Variants in EIF2AK3 observed in about 807,000 individuals in gnomAD.
EIF2AK3 encodes eukaryotic translation initiation factor 2-alpha kinase 3.
Under a neutral mutation model 113.5 loss-of-function variants are expected in EIF2AK3, and 50 were observed. The ratio of observed to expected loss-of-function variants is 0.44; its 90% CI spans 0.35 to 0.56. The LOEUF (loss-of-function observed/expected upper bound fraction) is 0.56, where lower values mean the gene tolerates loss of function less well. Among genes scored for constraint, EIF2AK3 ranks in the 20% least tolerant of loss-of-function variants. The pLI, the probability that EIF2AK3 is intolerant of heterozygous loss-of-function variation, is 0.00. For missense variants in EIF2AK3, 1,185 were observed against 1,378.0 expected (o/e 0.86, Z 2.22); for synonymous variants, 448 against 495.4 (o/e 0.90, Z 1.27).
At position 88,575,472 on chromosome 2, in the gene EIF2AK3, G is replaced by C. The variant is rs761959434; in HGVS notation, c.2037-26C>G. The C allele has an allele frequency of 1.4e-5, 23 of 1,600,748 alleles. No individual in the cohort carries two copies. In the Admixed American group the frequency reaches 3.0e-4, roughly 21 times the overall value. ...CTAAAAGTGGGAGAAATACAAAGGGGTAAGAGTGAATATATATTGATTCAA... is the reference window on the plus strand; with the variant it reads ...CTAAAAGTGGGAGAAATACAAAGGGCTAAGAGTGAATATATATTGATTCAA... On this transcript the variant is annotated intron_variant, in intron 12 of 16. Coordinates refer to ENST00000303236, the MANE Select transcript of EIF2AK3 (RefSeq NM_004836.7).
At chr2:88,607,418 A>G (rs1675307065) in intron 2 of EIF2AK3, among the ~76,000 whole-genome samples, 1 of 152,198 alleles carries the variant, frequency 6.6e-6, no homozygotes, top group African/African-American at 2.4e-5. Context: ...TGTTAAAGCT[A>G]ATAGAGTGAA....
intron 2 of EIF2AK3, among the ~76,000 whole-genome samples, chr2:88,596,090 G>A (rs1278214855): frequency 6.6e-6 from 1 of 152,152 alleles, no homozygotes; most frequent in Non-Finnish European, 1.5e-5. Flanking sequence ...TATTTAATGT[G>A]TAAATAGATA....
intron 16 of EIF2AK3, among the ~76,000 whole-genome samples, chr2:88,558,607 C>T (rs1480226220): frequency 3.3e-5 from 5 of 152,118 alleles, no homozygotes; most frequent in Non-Finnish European, 7.4e-5. Context: ...TAAATTTTGA[C>T]TTTTTCCAAT....
chr2:88,616,023 CT>C (rs375374907), intron 1 of EIF2AK3, among the ~76,000 whole-genome samples: 61 of 149,056 alleles, frequency 4.1e-4, no homozygotes, highest in Middle Eastern at 3.5e-3. Flanking sequence ...TCACCACGCT[CT>C]TTTTTTTTTG....
chr2:88,619,562 A>C (rs1281002912), intron 1 of EIF2AK3, among the ~76,000 whole-genome samples: 1 of 152,160 alleles, frequency 6.6e-6, no homozygotes, highest in Non-Finnish European at 1.5e-5. Flanking sequence ...CCATCCTATT[A>C]CCTAACATTT....
At chr2:88,559,593 AAGAG>A (rs1270437433) in intron 15 of EIF2AK3, among the ~76,000 whole-genome samples, 2 of 148,226 alleles carry the variant, frequency 1.3e-5, no homozygotes, top group African/African-American at 5.0e-5. Flanking sequence ...GGGAGGGAGA[AAGAG>A]AAAGGGGAGA....
At chr2:88,612,720 T>C (rs1302819052) in intron 2 of EIF2AK3, among the ~76,000 whole-genome samples, 1 of 152,178 alleles carries the variant, frequency 6.6e-6, no homozygotes, top group Non-Finnish European at 1.5e-5. Flanking sequence ...CAGTTTCCCA[T>C]TGGAAAGTTT....
At chr2:88,587,507 T>TA (rs1047210767) in intron 8 of EIF2AK3, among the ~76,000 whole-genome samples, 1 of 152,186 alleles carries the variant, frequency 6.6e-6, no homozygotes, top group African/African-American at 2.4e-5. Flanking sequence ...CTTGTCTGAG[T>TA]AAGAAGATAA....
chr2:88,589,393 T>A lies in EIF2AK3; in HGVS notation c.1166-492A>T, dbSNP rs113300271. Among the ~76,000 whole-genome samples the A allele has an allele frequency of 6.2e-3, 940 of 152,276 alleles. 16 individuals are homozygous for A. Among genetic ancestry groups the A allele is most frequent in the African/African-American group, 0.021 (887 of 41,560 alleles). ...CTTATAGAATTTTATGAGTATTTGA[T>A]GATGCAGACTAGTTCAAATTAGATC... On this transcript the variant is annotated intron_variant, in intron 6 of 16. Transcript: ENST00000303236.
chr2:88,612,245 C>T (rs78688313), intron 2 of EIF2AK3, among the ~76,000 whole-genome samples: 1,926 of 152,286 alleles, frequency 0.013, 16 homozygotes, highest in Middle Eastern at 0.02. Context: ...TTTGCAAACA[C>T]ACACATGCTT....
intron 3 of EIF2AK3, among the ~76,000 whole-genome samples, chr2:88,594,832 A>G (rs1674973548): frequency 2.3e-5 from 1 of 44,414 alleles, no homozygotes; most frequent in Non-Finnish European, 4.6e-5. Context: ...TCAAAATGTA[A>G]AAAAAAAAAA....
chr2:88,579,843 A>C (rs1674553919), intron 10 of EIF2AK3: 1 of 501,362 alleles, frequency 2.0e-6, no homozygotes. Flanking sequence ...GTTTCCTAGA[A>C]AAAAATTAAA....
At chr2:88,579,476 C>T (rs756015759) in intron 11 of EIF2AK3, 42 bp downstream of exon 11, 1 of 1,610,944 alleles carries the variant, frequency 6.2e-7, no homozygotes, top group Admixed American at 1.7e-5. Flanking sequence ...GATTAGATCA[C>T]ACTGTGCTGA....
At chr2:88,592,340 TAATC>T (rs774240364) in intron 4 of EIF2AK3, among the ~76,000 whole-genome samples, 6 of 152,316 alleles carry the variant, frequency 3.9e-5, no homozygotes, top group African/African-American at 7.2e-5. Context: ...AAAATTGAGA[TAATC>T]AAACTATGAA....
intron 1 of EIF2AK3, among the ~76,000 whole-genome samples, chr2:88,615,783 T>C (rs1244672428): frequency 6.6e-6 from 1 of 152,222 alleles, no homozygotes. Context: ...ACAAAACTCC[T>C]TGAAAGAGTT....
intron 1 of EIF2AK3, among the ~76,000 whole-genome samples, chr2:88,623,978 T>A (rs1439306841): frequency 1.3e-5 from 2 of 151,980 alleles, no homozygotes; most frequent in Non-Finnish European, 2.9e-5. Context: ...TCATCACCTG[T>A]TCCTTTCATT....
intron 10 of EIF2AK3, among the ~76,000 whole-genome samples, chr2:88,580,251 T>C (rs999224242): frequency 1.1e-4 from 16 of 152,334 alleles, no homozygotes; most frequent in African/African-American, 3.1e-4. Flanking sequence ...TTTCTCCCTT[T>C]AGTGCTGACT....
chr2:88,558,674 T>C (rs1673852775), intron 16 of EIF2AK3, among the ~76,000 whole-genome samples: 1 of 152,228 alleles, frequency 6.6e-6, no homozygotes, highest in South Asian at 2.1e-4. Context: ...AAATTCAAGA[T>C]TTATCAATAT....
rs569065396 is a variant in EIF2AK3, at chr2:88,627,449, A to G, written c.-175T>C. 1 of 735,754 alleles carries G rather than the reference A, an allele frequency of 1.4e-6. No homozygotes were observed. Among genetic ancestry groups the G allele is most frequent in the African/African-American group, 1.8e-5 (1 of 54,112 alleles). 45.6% of individuals were successfully genotyped at this position (735,754 alleles called of 1,614,324 possible). ...TCTCAGCCCGGCCTCTGCCGCTGCC[A>G]CCTGAGTGACAGCCTATCTCGGACA... On this transcript the variant is annotated 5_prime_UTR_variant, in exon 1 of 17. Transcript: ENST00000303236.
Sources: gnomAD v4.1 joint callset for allele counts (sites outside exome capture counted in the v4.1 genomes callset) on GRCh38, gnomAD v4.1.1 for gene constraint, MANE v1.5 for transcripts, NCBI Gene and HGNC (gene_info 2026-07-23, HGNC 2026-07-21) for gene names.